UBE2Q2: variants seen among roughly 807,000 people sequenced by gnomAD.
UBE2Q2 encodes ubiquitin conjugating enzyme E2 Q2, also known as ubiquitin-conjugating enzyme E2 Q2.
UBE2Q2 carries 54 observed loss-of-function variants against 59.9 expected under a neutral mutation model. The ratio of observed to expected loss-of-function variants is 0.90; its 90% confidence interval spans 0.72 to 1.13. The LOEUF (loss-of-function observed/expected upper bound fraction) is 1.13. Ranked by LOEUF, UBE2Q2 falls within the 50% of genes most tolerant of loss-of-function variation. UBE2Q2 has a pLI of 0.00. For missense variants in UBE2Q2, 433 were observed against 441.9 expected (o/e 0.98, Z 0.18); for synonymous variants, 165 against 155.2 (o/e 1.06, Z -0.47).
At chr15:75,872,540 T>C (rs1011281670) in intron 4 of UBE2Q2, among the ~76,000 whole-genome samples, 20 of 146,120 alleles carry the variant, frequency 1.4e-4, no homozygotes, top group Non-Finnish European at 3.0e-5. Flanking sequence ...TTCCTTTTTT[T>C]TTTTTTTTTT....
chr15:75,844,225 G>A, intron 1 of UBE2Q2: 1 of 1,479,040 alleles, frequency 6.8e-7, no homozygotes, highest in South Asian at 1.4e-5. Flanking sequence ...AGCTCCGGCT[G>A]TTGTTTGAGC....
chr15:75,855,262 G>A (rs982754689), intron 2 of UBE2Q2, among the ~76,000 whole-genome samples: 3 of 152,090 alleles, frequency 2.0e-5, no homozygotes, highest in Non-Finnish European at 2.9e-5. Flanking sequence ...AAGCTGAGGC[G>A]GGCGGATCAC....
chr15:75,891,783 C>T (rs774786597), intron 11 of UBE2Q2, among the ~76,000 whole-genome samples: 4 of 152,206 alleles, frequency 2.6e-5, no homozygotes, highest in African/African-American at 4.8e-5. Flanking sequence ...ATTAGTGAGA[C>T]AGCCTTCCAA....
rs1403546682 is a variant in UBE2Q2 at position 75,899,509 on chromosome 15, T to A, written c.*51T>A. The A allele has an allele frequency of 6.5e-7, 1 of 1,529,124 alleles. No homozygotes were observed. The highest frequency in any genetic ancestry group is 8.9e-7 in the Non-Finnish European group (1 of 1,121,050). The allele number at this position is 1,529,124 out of a possible 1,614,324, so 94.7% of individuals were successfully genotyped here. The stretch of plus-strand genomic sequence containing the variant: ...CTAATGTTGCTTTAAAGAAAATCTT[T>A]CTAACATGCAGACAAAAGCTTTGAG... On this transcript the variant is annotated 3_prime_UTR_variant, in exon 13 of 13. Coordinates refer to ENST00000267938, the MANE Select transcript of UBE2Q2 (RefSeq NM_173469.4).
chr15:75,883,839 T>TATACAC (rs924347206), intron 9 of UBE2Q2, among the ~76,000 whole-genome samples: 2,151 of 151,978 alleles, frequency 0.014, 20 homozygotes, highest in Non-Finnish European at 0.022. Flanking sequence ...TATTTATACA[T>TATACAC]ACACACACAC....
Position 75,889,577 on chromosome 15 carries a change from A to C in UBE2Q2, c.885-858A>C, listed in dbSNP as rs115413686. Among the ~76,000 whole-genome samples, 682 of 152,266 alleles carry C rather than the reference A, an allele frequency of 4.5e-3. 5 individuals are homozygous for C. Among genetic ancestry groups the C allele is most frequent in the African/African-American group, 0.015 (639 of 41,562 alleles). ...TTTGGAAGGGTAGGAAGCAGTAGGA[A>C]TCTCAAGCAAGGGAAAGGCATGGGC... is the stretch of plus-strand genomic sequence containing the variant. On this transcript the variant is annotated intron_variant, in intron 9 of 12. Coordinates refer to ENST00000267938, the MANE Select transcript of UBE2Q2 (RefSeq NM_173469.4).
At chr15:75,843,900 C>T (rs1896162629) in intron 1 of UBE2Q2, 54 bp downstream of exon 1, 1 of 1,490,040 alleles carries the variant, frequency 6.7e-7, no homozygotes, top group East Asian at 2.7e-5. Flanking sequence ...AGAGGGGGCG[C>T]TTCGAGTCCC....
intron 11 of UBE2Q2, among the ~76,000 whole-genome samples, chr15:75,896,322 TTTA>T (rs1899419657): frequency 2.0e-5 from 3 of 152,342 alleles, no homozygotes; most frequent in South Asian, 4.1e-4. Context: ...GCTGTGTGAA[TTTA>T]TTATGCAAAA....
intron 11 of UBE2Q2, 74 bp downstream of exon 11, chr15:75,891,088 G>T: frequency 2.6e-6 from 3 of 1,148,982 alleles, no homozygotes; most frequent in East Asian, 2.5e-5. Flanking sequence ...TTCCTGTCTT[G>T]ACTTAATTCT....
At chr15:75,847,582 T>A (rs1164953570) in intron 1 of UBE2Q2, among the ~76,000 whole-genome samples, 1 of 152,194 alleles carries the variant, frequency 6.6e-6, no homozygotes, top group Non-Finnish European at 1.5e-5. Context: ...TAAGTATAGT[T>A]TTTCCATCTT....
chr15:75,854,475 GAAC>G lies in UBE2Q2; in HGVS notation c.276_278del (p.Asn93del). The G allele has an allele frequency of 2.5e-6, 4 of 1,607,344 alleles. No homozygotes were observed. The South Asian group carries it at 3.3e-5, about 13-fold the overall frequency. On this transcript the variant is annotated inframe_deletion, in exon 2 of 13. Coordinates refer to ENST00000267938, the MANE Select transcript of UBE2Q2 (RefSeq NM_173469.4). ...TTCTGGAACGTCTAGAAGATACTAAGAACAACAATTTGGTAAGAAAATAAGCCA... is the reference window on the plus strand; with the variant it reads ...TTCTGGAACGTCTAGAAGATACTAAGAACAATTTGGTAAGAAAATAAGCCA...
intron 2 of UBE2Q2, among the ~76,000 whole-genome samples, chr15:75,858,135 C>G (rs1897013870): frequency 6.6e-6 from 1 of 152,166 alleles, no homozygotes; most frequent in African/African-American, 2.4e-5. Flanking sequence ...TTCTTCTCTT[C>G]TCATTCTGTG....
chr15:75,891,259 T>C (rs1323603550), intron 11 of UBE2Q2, among the ~76,000 whole-genome samples: 6 of 152,018 alleles, frequency 3.9e-5, no homozygotes, highest in Non-Finnish European at 7.4e-5. Context: ...AGATAAACAT[T>C]ATAAGTTTAC....
intron 2 of UBE2Q2, among the ~76,000 whole-genome samples, chr15:75,856,127 C>T (rs1185171725): frequency 6.6e-6 from 1 of 151,614 alleles, no homozygotes; most frequent in Admixed American, 6.6e-5. Context: ...GTGGAGATTG[C>T]AGTAAGCCTA....
At chr15:75,849,327 C>T (rs962868847) in intron 1 of UBE2Q2, among the ~76,000 whole-genome samples, 3 of 152,130 alleles carry the variant, frequency 2.0e-5, no homozygotes, top group African/African-American at 7.2e-5. Context: ...CTGCTGTTAT[C>T]TCTGAACCTT....
chr15:75,893,809 T>G (rs1203800515), intron 11 of UBE2Q2, among the ~76,000 whole-genome samples: 1 of 152,222 alleles, frequency 6.6e-6, no homozygotes, highest in Non-Finnish European at 1.5e-5. Flanking sequence ...TAAACACACT[T>G]GTAAATCATA....
At chr15:75,869,790 CA>C in intron 4 of UBE2Q2, among the ~76,000 whole-genome samples, 1 of 152,252 alleles carries the variant, frequency 6.6e-6, no homozygotes, top group Admixed American at 6.5e-5. Flanking sequence ...TAGTAGAGTG[CA>C]TTCCAAAGAC....
In UBE2Q2 at chr15:75,900,405, A is replaced by C. The variant is rs565815569; in HGVS notation, c.*947A>C. On this transcript the variant is annotated 3_prime_UTR_variant, in exon 13 of 13. Transcript: ENST00000267938. ...AAAACAATGGCTTTTACATTGAAAG[A>C]TTAATAGAAACTCTACATATGTTAA... 6.5e-6 allele frequency: 1 copy of C among 152,782 alleles called. No homozygotes were observed. The highest frequency in any genetic ancestry group is 6.5e-5 in the Admixed American group (1 of 15,304). The allele number at this position is 152,782 out of a possible 1,614,324, so 9.5% of individuals were successfully genotyped here. A position where few individuals can be genotyped will look rare whatever the true frequency, so the allele number is the denominator to read the frequency against.
intron 8 of UBE2Q2, 143 bp downstream of exon 8, chr15:75,879,331 G>A (rs1369251388): frequency 3.9e-6 from 2 of 512,338 alleles, no homozygotes; most frequent in Non-Finnish European, 7.0e-6. Flanking sequence ...CCGTTAAGAC[G>A]TGAGTACTTA....
Sources: allele counts gnomAD v4.1 joint callset (sites outside exome capture counted in the v4.1 genomes callset), GRCh38; gene constraint gnomAD v4.1.1; transcripts MANE v1.5; gene names NCBI Gene and HGNC (gene_info 2026-07-23, HGNC 2026-07-21).